Variants in PTK2 observed in about 807,000 individuals in gnomAD.
The protein encoded by PTK2 is focal adhesion kinase 1.
In PTK2, 45 loss-of-function variants were observed where a neutral mutation model predicts 150.1. The ratio of observed to expected loss-of-function variants is 0.30; its 90% CI spans 0.24 to 0.38. PTK2 has a LOEUF of 0.38. Among genes scored for constraint, PTK2 ranks in the 10% least tolerant of loss-of-function variants. PTK2 has a pLI of 1.00. For missense variants in PTK2, 919 were observed against 1,307.3 expected, an observed-to-expected ratio of 0.70 and a Z score of 4.58; for synonymous variants, 432 against 449.2, an observed-to-expected ratio of 0.96 and a Z score of 0.48.
chr8:140,858,275 C>T (rs2100133960), intron 5 of PTK2, among the ~76,000 whole-genome samples: 1 of 151,656 alleles, frequency 6.6e-6, no homozygotes, highest in Non-Finnish European at 1.5e-5. Context: ...GGAGTTCTAA[C>T]ATAGATCTAA....
At chr8:140,936,860 C>T (rs2100173813) in intron 1 of PTK2, among the ~76,000 whole-genome samples, 1 of 123,866 alleles carries the variant, frequency 8.1e-6, no homozygotes, top group African/African-American at 2.5e-5. Context: ...TTCTAGAGAA[C>T]ATCTTTTTTT....
At chr8:140,791,718 G>C (rs925085886) in intron 13 of PTK2, among the ~76,000 whole-genome samples, 2 of 152,188 alleles carry the variant, frequency 1.3e-5, no homozygotes, top group Non-Finnish European at 2.9e-5. Context: ...ATGCGACCTA[G>C]AAGATGAGTT....
intron 23 of PTK2, among the ~76,000 whole-genome samples, chr8:140,717,173 C>A (rs1418715798): frequency 2.6e-5 from 4 of 152,186 alleles, no homozygotes; most frequent in Non-Finnish European, 5.9e-5. Flanking sequence ...GAGTTCTCAA[C>A]AAACAAAACA....
chr8:140,948,454 C>T (rs1434986228), intron 1 of PTK2, among the ~76,000 whole-genome samples: 1 of 152,052 alleles, frequency 6.6e-6, no homozygotes, highest in Non-Finnish European at 1.5e-5. Flanking sequence ...AAGATATTGA[C>T]ATGAATCAAT....
intron 26 of PTK2, among the ~76,000 whole-genome samples, chr8:140,689,358 A>G (rs79152696): frequency 0.019 from 2,924 of 152,342 alleles, 98 homozygotes; most frequent in African/African-American, 0.067. Context: ...AATTCACAGA[A>G]CATTACTCAA....
At chr8:140,740,860 T>G (rs1050095315) in intron 20 of PTK2, among the ~76,000 whole-genome samples, 1 of 152,212 alleles carries the variant, frequency 6.6e-6, no homozygotes, top group African/African-American at 2.4e-5. Flanking sequence ...TAGTGACAGG[T>G]AGCTGGGCAC....
At chr8:140,819,957 G>T (rs942917195) in intron 8 of PTK2, among the ~76,000 whole-genome samples, 2 of 151,880 alleles carry the variant, frequency 1.3e-5, no homozygotes, top group African/African-American at 2.4e-5. Flanking sequence ...GGAATGTGAT[G>T]AGGTCTAATG....
intron 1 of PTK2, among the ~76,000 whole-genome samples, chr8:140,994,904 G>C (rs1589154823): frequency 1.3e-5 from 2 of 152,036 alleles, no homozygotes; most frequent in African/African-American, 4.8e-5. Flanking sequence ...GACCAACATG[G>C]AGAAACCCCA....
At chr8:140,897,299 T>A (rs745334555) in intron 2 of PTK2, among the ~76,000 whole-genome samples, 1 of 152,150 alleles carries the variant, frequency 6.6e-6, no homozygotes, top group Non-Finnish European at 1.5e-5. Context: ...TTTGTTACAA[T>A]GTTACCAGAA....
chr8:140,673,997 A>G (rs975429760), intron 29 of PTK2: 7 of 498,536 alleles, frequency 1.4e-5, no homozygotes, highest in Non-Finnish European at 2.7e-5. Flanking sequence ...ACTTTGTTCT[A>G]AAGAAAACAT....
chr8:140,681,763 C>T (rs1281330200), intron 27 of PTK2, among the ~76,000 whole-genome samples: 1 of 152,012 alleles, frequency 6.6e-6, no homozygotes, highest in Non-Finnish European at 1.5e-5. Flanking sequence ...GGCCACAGAG[C>T]GAGACTCCGT....
exon 10 of PTK2, chr8:140,818,292 C>T (rs1235401559): frequency 3.7e-6 from 6 of 1,613,680 alleles, no homozygotes; most frequent in Non-Finnish European, 5.1e-6. Context: ...AGCCCTTGTC[C>T]GTTAGGTAAC....
intron 2 of PTK2, among the ~76,000 whole-genome samples, chr8:140,905,897 A>G (rs1470510586): frequency 1.3e-5 from 2 of 152,178 alleles, no homozygotes; most frequent in African/African-American, 2.4e-5. Context: ...AAACTGAACA[A>G]CTTGCTCCTC....
intron 1 of PTK2, among the ~76,000 whole-genome samples, chr8:140,962,880 C>G (rs56397100): frequency 4.4e-4 from 67 of 151,920 alleles, no homozygotes; most frequent in East Asian, 3.3e-3. Flanking sequence ...AGGTCCCCCC[C>G]CCCAACCCAA....
chr8:140,957,251 T>G (rs546590349), intron 1 of PTK2, among the ~76,000 whole-genome samples: 1 of 151,962 alleles, frequency 6.6e-6, no homozygotes, highest in African/African-American at 2.4e-5. Flanking sequence ...CTGGGCAACA[T>G]GGTGAAACCC....
At chr8:140,702,508 C>T in intron 25 of PTK2, 62 bp downstream of exon 28, 1 of 1,574,454 alleles carries the variant, frequency 6.4e-7, no homozygotes, top group Non-Finnish European at 8.7e-7. Context: ...GTGTAAGCCA[C>T]CATGCCCAGC....
At chr8:140,856,288 T>A (rs1193453845) in intron 5 of PTK2, among the ~76,000 whole-genome samples, 1 of 152,124 alleles carries the variant, frequency 6.6e-6, no homozygotes, top group African/African-American at 2.4e-5. Context: ...GATACAAATT[T>A]CATTTAACAT....
At chr8:140,660,832 C>T (rs772858006) in intron 31 of PTK2, among the ~76,000 whole-genome samples, 1 of 152,216 alleles carries the variant, frequency 6.6e-6, no homozygotes, top group East Asian at 1.9e-4. Flanking sequence ...GGGAGAGTCT[C>T]ATGATCCTTC....
At position 140,960,348 on chromosome 8, in the gene PTK2, T is replaced by A. The variant is rs532822250; in HGVS notation, c.-121-34599A>T. ...AAGTAGCTGGCATGCGCTACATGAT[T>A]ACAGGCATGCACCACCACATCCAGC... is the stretch of plus-strand genomic sequence containing the variant. On this transcript the variant is annotated intron_variant, in intron 1 of 31. Transcript: ENST00000522684. 5.3e-5 allele frequency among the ~76,000 whole-genome samples: 8 copies of A among 152,022 alleles called. No individual in the cohort carries two copies. In the East Asian group the frequency reaches 1.6e-3, roughly 30 times the overall value.
Sources: gnomAD v4.1 joint callset for allele counts (sites outside exome capture counted in the v4.1 genomes callset) on GRCh38, gnomAD v4.1.1 for gene constraint, MANE v1.5 for transcripts, NCBI Gene and HGNC (gene_info 2026-07-23, HGNC 2026-07-21) for gene names.